LAMB1: variants seen among roughly 807,000 people sequenced by gnomAD.
The protein encoded by LAMB1 is laminin subunit beta 1, also known as laminin subunit beta-1.
A neutral mutation model predicts 222.3 loss-of-function variants in LAMB1; 121 were observed. The observed-to-expected ratio is 0.54, with a 90% confidence interval of 0.47 to 0.63. LAMB1 has a LOEUF of 0.63. LAMB1 is among the 30% of genes least tolerant of loss of function. The pLI is 0.00. For synonymous variants in LAMB1, 794 were observed against 807.2 expected, an observed-to-expected ratio of 0.98 and a Z score of 0.28; for missense variants, 2,172 against 2,240.8, an observed-to-expected ratio of 0.97 and a Z score of 0.62.
rs1322157460 is a variant in LAMB1 at position 107,951,228 on chromosome 7, C to T, written c.3389G>A (p.Arg1130Gln). 5.0e-6 allele frequency: 8 copies of T among 1,613,582 alleles called. No individual in the cohort carries two copies. The highest frequency in any genetic ancestry group is 6.8e-6 in the Non-Finnish European group (8 of 1,179,492). The stretch of plus-strand genomic sequence containing the variant: ...ATGCGAGAACGCCCACAACTCACCT[C>T]GGCACTCCACGTCGGGGTCTCCCCA... ...LFWGDPDVEC[R>Q]ACDCDPRGIE... The change falls in exon 24 of 34, where the codon CGA becomes CAA. Residue 1130 changes from arginine (R) to glutamine (Q), a missense_variant and splice_region_variant. Physicochemically the swap from Arg to Gln is conservative, Grantham distance 43. Coordinates refer to ENST00000222399, the MANE Select transcript of LAMB1 (RefSeq NM_002291.3).
intron 5 of LAMB1, among the ~76,000 whole-genome samples, chr7:107,987,533 C>T (rs965954222): frequency 6.6e-6 from 1 of 152,118 alleles, no homozygotes; most frequent in African/African-American, 2.4e-5. Context: ...GGCAGAGTCT[C>T]GCTGTGGCCC....
chr7:107,926,206 G>C lies in LAMB1; in HGVS notation c.5041C>G (p.Gln1681Glu), dbSNP rs1174341723. The part of the protein sequence containing the change: ...YIEKVVYTVK[Q>E]SAEDVKKTLD... ...ACCTTCTTAACATCTTCTGCACTTT[G>C]CTTCACAGTATATACTACTTTTTCA... Residue 1681 changes from glutamine to glutamate, a missense_variant, in exon 32 of 34, where the codon CAA becomes GAA. Transcript: ENST00000222399. 7 of 1,613,546 alleles carry C rather than the reference G, an allele frequency of 4.3e-6. No homozygotes were observed. The highest frequency in any genetic ancestry group is 1.3e-5 in the African/African-American group (1 of 74,904).
chr7:107,927,784 T>C (rs138848713), intron 31 of LAMB1, among the ~76,000 whole-genome samples: 2 of 152,360 alleles, frequency 1.3e-5, no homozygotes, highest in East Asian at 1.9e-4. Flanking sequence ...AAAAGTCTTA[T>C]TGATACTCGA....
intron 5 of LAMB1, among the ~76,000 whole-genome samples, chr7:107,992,307 T>C (rs77157319): frequency 1.5e-3 from 222 of 152,346 alleles, no homozygotes; most frequent in African/African-American, 5.0e-3. Flanking sequence ...TGAACTTCTG[T>C]TGTAGTCATT....
rs780468884 is a variant in LAMB1 at position 107,978,061 on chromosome 7, C to T, written c.986G>A (p.Ser329Asn). 1.9e-6 allele frequency: 3 copies of T among 1,614,144 alleles called. No homozygotes were observed. Among genetic ancestry groups the T allele is most frequent in the Non-Finnish European group, 2.5e-6 (3 of 1,180,004 alleles). The part of the protein sequence containing the change: ...LPWRPAEGRN[S>N]NACKKCNCNE... ...CACAGACTTACTTTTACAGGCGTTG[C>T]TGTTTCGGCCTTCAGCAGGTCTCCA... Residue 329 changes from serine (S) to asparagine (N), a missense_variant, in exon 9 of 34, where the codon AGC (serine) becomes AAC (asparagine). Physicochemically the swap from Ser to Asn is conservative, Grantham distance 46. Coordinates refer to ENST00000222399, the MANE Select transcript of LAMB1 (RefSeq NM_002291.3).
chr7:107,929,232 A>G (rs2116319567), intron 30 of LAMB1, 27 bp from the exon 31 acceptor site: 1 of 1,612,502 alleles, frequency 6.2e-7, no homozygotes, highest in Non-Finnish European at 8.5e-7. Context: ...GAGACAGTAT[A>G]TTGTTGCTGA....
intron 20 of LAMB1, 27 bp downstream of exon 20, chr7:107,959,222 T>TTC: frequency 6.4e-7 from 1 of 1,567,582 alleles, no homozygotes; most frequent in Non-Finnish European, 8.8e-7. Context: ...GATCACTACA[T>TTC]TCTCCTTACT....
intron 5 of LAMB1, among the ~76,000 whole-genome samples, chr7:107,988,563 TCTTTA>T (rs1279888510): frequency 1.6e-4 from 24 of 152,312 alleles, no homozygotes; most frequent in African/African-American, 4.6e-4. Context: ...CTCATTACAT[TCTTTA>T]CTTTAACTCT....
intron 4 of LAMB1, 126 bp downstream of exon 4, chr7:107,998,231 A>G (rs2034316639): frequency 2.3e-6 from 2 of 860,834 alleles, no homozygotes; most frequent in Non-Finnish European, 3.6e-6. Flanking sequence ...CAGGCAGTCA[A>G]TCTGTCAGAG....
At chr7:107,976,053 A>G (rs559235692) in intron 9 of LAMB1, among the ~76,000 whole-genome samples, 176 bp from the exon 10 acceptor site, 1 of 152,320 alleles carries the variant, frequency 6.6e-6, no homozygotes, top group Admixed American at 6.5e-5. Context: ...TTTAAACCCT[A>G]AAGTAGATGA....
chr7:107,976,740 G>A (rs1471612774), intron 9 of LAMB1, among the ~76,000 whole-genome samples: 2 of 152,132 alleles, frequency 1.3e-5, no homozygotes, highest in East Asian at 3.9e-4. Flanking sequence ...ACTCTGTGAT[G>A]GTTTCAAGAA....
At chr7:108,003,005 A>G (rs2034421274) in intron 1 of LAMB1, 34 bp from the exon 2 acceptor site, 1 of 1,546,934 alleles carries the variant, frequency 6.5e-7, no homozygotes, top group East Asian at 2.3e-5. Flanking sequence ...AAAAAGGCAA[A>G]TGTTCAAAGA....
rs192777178 is a variant in LAMB1 at position 107,978,562 on chromosome 7, G to T, written c.880-395C>A. 4.0e-5 allele frequency among the ~76,000 whole-genome samples: 6 copies of T among 151,656 alleles called. No homozygotes were observed. In the East Asian group the frequency reaches 1.2e-3, roughly 29 times the overall value. ...GAACTAAATGCATACATACCACCTG[G>T]AAACCAATTTATATTACTGCACGAT... On this transcript the variant is annotated intron_variant, in intron 8 of 33. Coordinates refer to ENST00000222399, the MANE Select transcript of LAMB1 (RefSeq NM_002291.3).
intron 24 of LAMB1, among the ~76,000 whole-genome samples, chr7:107,945,204 T>A (rs1436260036): frequency 6.6e-6 from 1 of 152,250 alleles, no homozygotes; most frequent in Admixed American, 6.5e-5. Context: ...TTTCTTATCA[T>A]TTCAAACATA....
chr7:107,943,032 C>A (rs1005664750), intron 24 of LAMB1, among the ~76,000 whole-genome samples: 1 of 152,094 alleles, frequency 6.6e-6, no homozygotes, highest in Non-Finnish European at 1.5e-5. Flanking sequence ...TTTCCAGGTA[C>A]TTAAAGTATG....
At chr7:107,972,943 G>T (rs753360777) in intron 13 of LAMB1, 49 bp downstream of exon 13, 3 of 1,428,548 alleles carry the variant, frequency 2.1e-6, no homozygotes, top group East Asian at 2.3e-5. Flanking sequence ...TGTAAGTCAT[G>T]ACTTTCCTGG....
intron 3 of LAMB1, chr7:108,000,066 C>T (rs2034353911): frequency 6.6e-6 from 1 of 152,094 alleles, no homozygotes; most frequent in African/African-American, 2.4e-5. Flanking sequence ...TACAGGATGT[C>T]CTGGCCTCTC....
chr7:107,959,380 C>A lies in LAMB1; in HGVS notation c.2559G>T (p.Arg853=), dbSNP rs2033445015. 2 of 1,614,114 alleles carry A rather than the reference C, an allele frequency of 1.2e-6. No individual in the cohort carries two copies. The highest frequency in any genetic ancestry group is 1.7e-6 in the Non-Finnish European group (2 of 1,180,046). ...FQGVYARQCD[R]CLPGHWGFPS... ...GAAAGCCCCAGTGCCCAGGTAAGCACCGATCACACTGCCGAGCATACACTC... is the reference window on the plus strand; with the variant it reads ...GAAAGCCCCAGTGCCCAGGTAAGCAACGATCACACTGCCGAGCATACACTC... The change falls in exon 20 of 34, where the codon CGG becomes CGT. Residue 853 remains arginine (R), a synonymous_variant. Coordinates refer to ENST00000222399, the MANE Select transcript of LAMB1 (RefSeq NM_002291.3).
intron 13 of LAMB1, among the ~76,000 whole-genome samples, chr7:107,969,719 C>T (rs1424793573): frequency 6.6e-6 from 1 of 152,164 alleles, no homozygotes; most frequent in Admixed American, 6.5e-5. Context: ...CCTATTGCTC[C>T]TAAGCTACAA....
Sources: gnomAD v4.1 joint callset for allele counts (sites outside exome capture counted in the v4.1 genomes callset) on GRCh38, gnomAD v4.1.1 for gene constraint, MANE v1.5 for transcripts, NCBI Gene and HGNC (gene_info 2026-07-23, HGNC 2026-07-21) for gene names.